PUM2: variants seen among roughly 807,000 people sequenced by gnomAD.
The protein encoded by PUM2 is pumilio RNA binding family member 2.
A neutral mutation model predicts 124.5 loss-of-function variants in PUM2; 57 were observed. That is an observed-to-expected ratio of 0.46 (90% CI 0.37 to 0.57). The LOEUF (loss-of-function observed/expected upper bound fraction) is 0.57. PUM2 is among the 20% of genes least tolerant of loss of function. The probability of loss-of-function intolerance (pLI) is 0.00; values close to 1 mark genes in which losing one functional copy is unlikely to be tolerated. For missense variants in PUM2, 1,065 were observed against 1,290.6 expected (o/e 0.83, Z 2.68); for synonymous variants, 460 against 446.1 (o/e 1.03, Z -0.39).
In PUM2 at chr2:20,251,735, G is replaced by A. The variant is rs771643233; in HGVS notation, c.3064-19C>T. On this transcript the variant is annotated intron_variant, in intron 20 of 20. Transcript: ENST00000361078. ...GTCGAATCTGAAAAACAAATAATCTGCTTAGAAAATCTAAGTCATTTTAGT... is the reference window on the plus strand; with the variant it reads ...GTCGAATCTGAAAAACAAATAATCTACTTAGAAAATCTAAGTCATTTTAGT... 2 of 1,608,048 alleles carry A rather than the reference G, an allele frequency of 1.2e-6. No homozygotes were observed. The highest frequency in any genetic ancestry group is 2.2e-5 in the South Asian group (2 of 90,324).
chr2:20,261,394 C>CAAAAAAAAAAAAAAAATAAAAAA (rs1666199775), intron 14 of PUM2, among the ~76,000 whole-genome samples: 1 of 76,758 alleles, frequency 1.3e-5, no homozygotes, highest in Admixed American at 1.3e-4. Flanking sequence ...ACTCTGTCTC[C>CAAAAAAAAAAAAAAAATAAAAAA]AAAAAAAAAA....
intron 10 of PUM2, among the ~76,000 whole-genome samples, chr2:20,284,637 A>T (rs894935003): frequency 1.3e-5 from 2 of 152,188 alleles, no homozygotes; most frequent in Non-Finnish European, 2.9e-5. Flanking sequence ...GTCCTTTAAG[A>T]AGTTTTTAAA....
intron 20 of PUM2, among the ~76,000 whole-genome samples, chr2:20,252,530 G>A (rs1043230072): frequency 6.6e-6 from 1 of 152,198 alleles, no homozygotes; most frequent in African/African-American, 2.4e-5. Context: ...ATGAGGAGAC[G>A]ACCAAAGGGG....
intron 2 of PUM2, among the ~76,000 whole-genome samples, chr2:20,320,538 T>C (rs565551768): frequency 1.1e-4 from 16 of 152,208 alleles, no homozygotes; most frequent in African/African-American, 2.9e-4. Flanking sequence ...CTAAATGTTT[T>C]AATTAAAAAA....
intron 1 of PUM2, among the ~76,000 whole-genome samples, chr2:20,333,244 A>G (rs1685286165): frequency 6.6e-6 from 1 of 152,220 alleles, no homozygotes; most frequent in African/African-American, 2.4e-5. Context: ...ATAATCCAAA[A>G]TGTCAACAAC....
At chr2:20,275,605 C>T (rs1670053996) in intron 13 of PUM2, among the ~76,000 whole-genome samples, 1 of 152,012 alleles carries the variant, frequency 6.6e-6, no homozygotes, top group African/African-American at 2.4e-5. Flanking sequence ...ATGGAGACAA[C>T]CAAACACGTG....
At chr2:20,347,498 T>C (rs776880082) in intron 1 of PUM2, among the ~76,000 whole-genome samples, 2 of 152,308 alleles carry the variant, frequency 1.3e-5, no homozygotes, top group Admixed American at 6.5e-5. Context: ...CTGGAAAAGC[T>C]TGAAAATAGA....
chr2:20,350,845 C>A (rs1025867867), upstream of PUM2: 5 of 942,722 alleles, frequency 5.3e-6, no homozygotes, highest in African/African-American at 1.8e-5. Context: ...GCCCTCCCCT[C>A]CCCCCCGCCC....
chr2:20,323,908 CAAAAAAAAAAA>C (rs397984008), intron 2 of PUM2, among the ~76,000 whole-genome samples: 124 of 58,458 alleles, frequency 2.1e-3, no homozygotes, highest in South Asian at 3.5e-3. Context: ...TACGGACTAG[CAAAAAAAAAAA>C]AAAAAAAAAA....
intron 2 of PUM2, among the ~76,000 whole-genome samples, chr2:20,323,908 CAAAAAAAAAAAA>C (rs397984008): frequency 3.6e-3 from 209 of 58,466 alleles, no homozygotes; most frequent in African/African-American, 0.011. Flanking sequence ...TACGGACTAG[CAAAAAAAAAAAA>C]AAAAAAAAAA....
intron 1 of PUM2, among the ~76,000 whole-genome samples, chr2:20,328,354 A>G (rs1207225543): frequency 2.6e-5 from 4 of 152,136 alleles, no homozygotes; most frequent in African/African-American, 9.7e-5. Context: ...AAAAAAACAC[A>G]AACACACAAC....
At chr2:20,317,635 C>T (rs1409151478) in intron 3 of PUM2, among the ~76,000 whole-genome samples, 1 of 151,914 alleles carries the variant, frequency 6.6e-6, no homozygotes, top group East Asian at 1.9e-4. Context: ...GTTTGGTGTA[C>T]AGATTATTTC....
At chr2:20,307,189 C>G (rs970793653) in intron 7 of PUM2, among the ~76,000 whole-genome samples, 14 of 152,068 alleles carry the variant, frequency 9.2e-5, no homozygotes, top group Non-Finnish European at 1.9e-4. Context: ...GTACTCCAGC[C>G]TGGGTGAGAG....
intron 1 of PUM2, among the ~76,000 whole-genome samples, chr2:20,327,965 C>A (rs1031424903): frequency 2.0e-4 from 31 of 152,130 alleles, no homozygotes; most frequent in Admixed American, 7.9e-4. Context: ...TCAATTAAGG[C>A]TAAAAGAATT....
At position 20,294,377 on chromosome 2, in the gene PUM2, T is replaced by C. The variant is rs1377349426; in HGVS notation, c.1151A>G (p.Gln384Arg). The change falls in exon 9 of 21, where the codon CAG becomes CGG. Residue 384 changes from glutamine to arginine, a missense_variant and splice_region_variant. By Grantham distance (43) the Gln-to-Arg change is conservative (BLOSUM62 1). Coordinates refer to ENST00000361078, the MANE Select transcript of PUM2 (RefSeq NM_015317.5). The part of the protein sequence containing the change: ...AASQAQPGQQ[Q>R]VLRAGAGQRP... ...TTACTTAATAGAAGGAAGGCCTACC[T>C]GTTGCTGTCCAGGCTGAGCTTGTGA... 1 of 1,613,848 alleles carries C rather than the reference T, an allele frequency of 6.2e-7. No homozygotes were observed. The highest frequency in any genetic ancestry group is 1.3e-5 in the African/African-American group (1 of 75,036).
intron 18 of PUM2, 64 bp downstream of exon 18, chr2:20,255,152 C>G (rs150979121): frequency 1.3e-6 from 2 of 1,516,150 alleles, no homozygotes; most frequent in African/African-American, 2.8e-5. Context: ...AATTGTATTT[C>G]TTTTAAAAAT....
intron 13 of PUM2, among the ~76,000 whole-genome samples, chr2:20,269,586 T>A (rs934673294): frequency 3.9e-5 from 6 of 152,196 alleles, no homozygotes; most frequent in Non-Finnish European, 8.8e-5. Context: ...AGTGGGCATA[T>A]TTAAAAGTAT....
intron 13 of PUM2, among the ~76,000 whole-genome samples, chr2:20,265,199 C>CA (rs1667358460): frequency 6.7e-6 from 1 of 148,746 alleles, no homozygotes; most frequent in South Asian, 2.1e-4. Context: ...TTGCAGTGAG[C>CA]AGAGATTGCA....
chr2:20,304,264 T>A (rs1244266685), intron 7 of PUM2, among the ~76,000 whole-genome samples: 2 of 152,160 alleles, frequency 1.3e-5, no homozygotes, highest in Non-Finnish European at 2.9e-5. Context: ...TACCCCCCTA[T>A]GGATTCTCCC....
Sources: allele counts gnomAD v4.1 joint callset (sites outside exome capture counted in the v4.1 genomes callset), GRCh38; gene constraint gnomAD v4.1.1; transcripts MANE v1.5; gene names NCBI Gene and HGNC (gene_info 2026-07-23, HGNC 2026-07-21).